The following CSMD1 variants were observed in gnomAD, a reference collection of about 807,000 sequenced individuals.
The protein encoded by CSMD1 is CUB and Sushi multiple domains 1.
A neutral mutation model predicts 417.5 loss-of-function variants in CSMD1; 213 were observed. That is an observed-to-expected ratio of 0.51 (90% CI 0.46 to 0.57). The LOEUF (loss-of-function observed/expected upper bound fraction) is 0.57. CSMD1 is among the 20% of genes least tolerant of loss of function. The pLI is 0.00. For synonymous variants in CSMD1, 2,862 were observed against 1,736.8 expected, an observed-to-expected ratio of 1.65 and a Z score of -16.11; for missense variants, 6,923 against 4,529.7, an observed-to-expected ratio of 1.53 and a Z score of -15.17.
chr8:3,687,973 G>A (rs570457537), intron 7 of CSMD1, among the ~76,000 whole-genome samples: 2 of 152,096 alleles, frequency 1.3e-5, no homozygotes, highest in Non-Finnish European at 1.5e-5. Context: ...CATCATATTT[G>A]CTTATCTGAA....
At chr8:3,484,025 C>T (rs143009084) in intron 11 of CSMD1, among the ~76,000 whole-genome samples, 240 of 152,262 alleles carry the variant, frequency 1.6e-3, no homozygotes, top group Non-Finnish European at 2.9e-3. Flanking sequence ...TAATTCCTAT[C>T]ACAATCCCAG....
intron 10 of CSMD1, among the ~76,000 whole-genome samples, chr8:3,551,560 T>C (rs771116073): frequency 6.0e-5 from 9 of 148,770 alleles, no homozygotes; most frequent in East Asian, 2.0e-4. Context: ...CTTTTCAGAA[T>C]TGTCTTCTAA....
chr8:4,716,917 T>G (rs923014975), intron 1 of CSMD1, among the ~76,000 whole-genome samples: 1 of 152,090 alleles, frequency 6.6e-6, no homozygotes, highest in Non-Finnish European at 1.5e-5. Flanking sequence ...ATATCTAGAC[T>G]TTAACAATGA....
intron 10 of CSMD1, among the ~76,000 whole-genome samples, chr8:3,514,281 A>T (rs1321620260): frequency 6.6e-6 from 1 of 152,196 alleles, no homozygotes; most frequent in Non-Finnish European, 1.5e-5. Context: ...ATGGTGCAAC[A>T]TAGAGACGTC....
chr8:3,629,178 A>G (rs1002484883), intron 7 of CSMD1, among the ~76,000 whole-genome samples: 5 of 152,174 alleles, frequency 3.3e-5, no homozygotes, highest in Non-Finnish European at 7.3e-5. Context: ...ACGCAGGGGA[A>G]CTTGCTTGTA....
intron 5 of CSMD1, among the ~76,000 whole-genome samples, chr8:3,872,155 C>G (rs768649072): frequency 1.3e-5 from 2 of 152,170 alleles, no homozygotes. Flanking sequence ...TGTTTTAACC[C>G]GTGTTTGGAT....
chr8:4,382,541 T>TA (rs1408649684), intron 3 of CSMD1, among the ~76,000 whole-genome samples: 1 of 152,170 alleles, frequency 6.6e-6, no homozygotes, highest in African/African-American at 2.4e-5. Context: ...AAAAGGATTA[T>TA]AAAAAACCCT....
At chr8:4,455,373 GTCA>G (rs1335408158) in intron 2 of CSMD1, among the ~76,000 whole-genome samples, 3 of 152,102 alleles carry the variant, frequency 2.0e-5, no homozygotes, top group East Asian at 1.9e-4. Context: ...TGGAAAACTG[GTCA>G]TCAACTCAGT....
intron 2 of CSMD1, among the ~76,000 whole-genome samples, chr8:4,442,779 G>C (rs888194867): frequency 1.3e-5 from 2 of 152,188 alleles, no homozygotes; most frequent in Non-Finnish European, 2.9e-5. Flanking sequence ...GTAATGGTCT[G>C]TGATAACTTA....
chr8:3,112,954 A>T (rs1816614895), intron 42 of CSMD1: 1 of 152,230 alleles, frequency 6.6e-6, no homozygotes, highest in South Asian at 2.1e-4. Context: ...CCTGATCTTT[A>T]TCTACTTCCA....
chr8:4,440,577 C>T (rs536311260), intron 2 of CSMD1, among the ~76,000 whole-genome samples: 1 of 152,264 alleles, frequency 6.6e-6, no homozygotes, highest in East Asian at 1.9e-4. Context: ...TTCAAAGATG[C>T]AAAACCAACT....
At chr8:4,373,219 C>G (rs540168906) in intron 3 of CSMD1, among the ~76,000 whole-genome samples, 3 of 152,274 alleles carry the variant, frequency 2.0e-5, no homozygotes, top group Middle Eastern at 3.4e-3. Context: ...CAAGAGGAGT[C>G]TGAGAAACTA....
chr8:3,496,871 T>A (rs530063698), intron 10 of CSMD1, among the ~76,000 whole-genome samples: 1 of 152,334 alleles, frequency 6.6e-6, no homozygotes, highest in African/African-American at 2.4e-5. Context: ...AATTTCTTTA[T>A]AGACCCATTG....
chr8:3,172,257 G>C (rs370427421), intron 37 of CSMD1, among the ~76,000 whole-genome samples: 1 of 151,702 alleles, frequency 6.6e-6, no homozygotes, highest in African/African-American at 2.4e-5. Context: ...ATTTTTGTTT[G>C]TTTTGTTTCA....
chr8:4,100,033 T>C (rs1048709868), intron 3 of CSMD1, among the ~76,000 whole-genome samples: 1 of 152,188 alleles, frequency 6.6e-6, no homozygotes, highest in Admixed American at 6.6e-5. Context: ...GAAGAAGATA[T>C]AATGTAATAA....
chr8:4,750,638 A>C (rs1811257650), intron 1 of CSMD1, among the ~76,000 whole-genome samples: 2 of 152,162 alleles, frequency 1.3e-5, no homozygotes, highest in Non-Finnish European at 2.9e-5. Context: ...GGACATACAC[A>C]TCTAAATAAA....
intron 1 of CSMD1, among the ~76,000 whole-genome samples, chr8:4,807,441 T>C (rs948197108): frequency 2.0e-5 from 3 of 152,096 alleles, no homozygotes; most frequent in Non-Finnish European, 4.4e-5. Flanking sequence ...GAAAGACTCA[T>C]GGGGCACACT....
chr8:3,637,519 C>T (rs1487961566), intron 7 of CSMD1, among the ~76,000 whole-genome samples: 2 of 152,124 alleles, frequency 1.3e-5, no homozygotes, highest in African/African-American at 4.8e-5. Flanking sequence ...TACAAAACTA[C>T]CTGACAAGAA....
intron 1 of CSMD1, among the ~76,000 whole-genome samples, chr8:4,769,405 C>T (rs10503279): frequency 0.38 from 57,377 of 151,992 alleles, 11,523 homozygotes; most frequent in Admixed American, 0.55. Flanking sequence ...TGCAATTTTA[C>T]TATTCTTGGC....
Sources: gnomAD v4.1 joint callset for allele counts (sites outside exome capture counted in the v4.1 genomes callset) on GRCh38, gnomAD v4.1.1 for gene constraint, MANE v1.5 for transcripts, NCBI Gene and HGNC (gene_info 2026-07-23, HGNC 2026-07-21) for gene names.